EDIL3: variants seen among roughly 807,000 people sequenced by gnomAD.
EDIL3 encodes the protein EGF-like repeat and discoidin I-like domain-containing protein 3.
A neutral mutation model predicts 67.4 loss-of-function variants in EDIL3; 37 were observed. The observed-to-expected ratio is 0.55, with a 90% CI of 0.42 to 0.72. The LOEUF is 0.72. Among genes scored for constraint, EDIL3 ranks in the 30% least tolerant of loss-of-function variants. EDIL3 has a pLI of 0.00. For synonymous variants in EDIL3, 195 were observed against 196.3 expected (o/e 0.99, Z 0.05); for missense variants, 527 against 586.3 (o/e 0.90, Z 1.04).
At chr5:83,965,737 C>T (rs905188206) in intron 9 of EDIL3, among the ~76,000 whole-genome samples, 2 of 151,980 alleles carry the variant, frequency 1.3e-5, no homozygotes, top group African/African-American at 4.8e-5. Context: ...CGTTTTTCTC[C>T]CACTCTAACG....
chr5:84,194,955 C>G (rs962736626), intron 3 of EDIL3, among the ~76,000 whole-genome samples: 2 of 151,918 alleles, frequency 1.3e-5, no homozygotes, highest in Non-Finnish European at 1.5e-5. Flanking sequence ...TCTTTGGACA[C>G]TGACACTGTA....
chr5:83,982,626 A>G (rs982141052), intron 9 of EDIL3, among the ~76,000 whole-genome samples: 1 of 152,096 alleles, frequency 6.6e-6, no homozygotes, highest in African/African-American at 2.4e-5. Flanking sequence ...TTCTTTTTAT[A>G]TCTCTAGAAT....
At chr5:84,146,827 T>G (rs1169085626) in intron 4 of EDIL3, among the ~76,000 whole-genome samples, 1 of 152,140 alleles carries the variant, frequency 6.6e-6, no homozygotes, top group Non-Finnish European at 1.5e-5. Context: ...AGAATTAAAA[T>G]TTTGTCATTT....
chr5:84,356,889 C>CTTTTTTTTTTTTTTTT (rs1189590387), intron 1 of EDIL3, among the ~76,000 whole-genome samples: 1 of 32,088 alleles, frequency 3.1e-5, no homozygotes, highest in African/African-American at 1.1e-4. Flanking sequence ...ATCTTTCTTT[C>CTTTTTTTTTTTTTTTT]TTTTTTTTTT....
At chr5:84,100,698 G>A (rs1747347672) in intron 6 of EDIL3, among the ~76,000 whole-genome samples, 1 of 152,106 alleles carries the variant, frequency 6.6e-6, no homozygotes, top group African/African-American at 2.4e-5. Flanking sequence ...TTTTGCACAT[G>A]TATCCCAGAA....
chr5:84,208,938 C>T (rs567369496), intron 3 of EDIL3, among the ~76,000 whole-genome samples: 6 of 152,110 alleles, frequency 3.9e-5, no homozygotes, highest in South Asian at 4.1e-4. Flanking sequence ...ATGTTTATTG[C>T]GGCATTATTC....
intron 1 of EDIL3, among the ~76,000 whole-genome samples, chr5:84,345,612 G>C (rs886859048): frequency 1.3e-5 from 2 of 152,120 alleles, no homozygotes; most frequent in African/African-American, 4.8e-5. Context: ...CCCTAGTTGG[G>C]CAAGACACAA....
At chr5:84,319,124 A>C (rs1437550404) in intron 1 of EDIL3, among the ~76,000 whole-genome samples, 1 of 151,814 alleles carries the variant, frequency 6.6e-6, no homozygotes, top group Non-Finnish European at 1.5e-5. Context: ...CACCAGCTAG[A>C]ATGGCGATCA....
At chr5:84,231,547 G>T (rs1180627940) in intron 2 of EDIL3, among the ~76,000 whole-genome samples, 1 of 151,862 alleles carries the variant, frequency 6.6e-6, no homozygotes, top group Non-Finnish European at 1.5e-5. Flanking sequence ...CCAGGGAGTG[G>T]TCTCCACTCT....
chr5:84,271,967 A>T (rs1256810442), intron 1 of EDIL3, among the ~76,000 whole-genome samples: 1 of 152,108 alleles, frequency 6.6e-6, no homozygotes, highest in Non-Finnish European at 1.5e-5. Flanking sequence ...TTCTTAGCTT[A>T]ATTTTAAAAA....
At chr5:83,986,975 T>C (rs535421819) in intron 9 of EDIL3, among the ~76,000 whole-genome samples, 1 of 152,120 alleles carries the variant, frequency 6.6e-6, no homozygotes, top group Non-Finnish European at 1.5e-5. Flanking sequence ...CGAGCCATGA[T>C]CAGGAAGCTA....
At chr5:84,208,393 A>G (rs1004751264) in intron 3 of EDIL3, among the ~76,000 whole-genome samples, 2 of 152,022 alleles carry the variant, frequency 1.3e-5, no homozygotes, top group African/African-American at 4.8e-5. Flanking sequence ...AAAAGTCAGG[A>G]AACAGGCCAG....
intron 4 of EDIL3, among the ~76,000 whole-genome samples, chr5:84,154,365 C>T (rs1241881281): frequency 6.6e-6 from 1 of 151,930 alleles, no homozygotes; most frequent in African/African-American, 2.4e-5. Context: ...AAAAGTGGAA[C>T]AATGAGAATA....
chr5:84,178,283 C>T (rs1317254538), intron 4 of EDIL3, among the ~76,000 whole-genome samples: 1 of 152,132 alleles, frequency 6.6e-6, no homozygotes, highest in African/African-American at 2.4e-5. Flanking sequence ...TGTTTATCTG[C>T]ATTTCTAATA....
intron 3 of EDIL3, among the ~76,000 whole-genome samples, chr5:84,192,414 C>T (rs1743610181): frequency 6.6e-6 from 1 of 151,886 alleles, no homozygotes; most frequent in African/African-American, 2.4e-5. Flanking sequence ...ACCATTCTAC[C>T]ACCTAAAGAT....
chr5:84,053,445 A>G (rs1746379479), intron 9 of EDIL3, among the ~76,000 whole-genome samples: 2 of 152,206 alleles, frequency 1.3e-5, no homozygotes, highest in Admixed American at 1.3e-4. Context: ...AGAAGGCAAG[A>G]AATAACTAAG....
intron 5 of EDIL3, among the ~76,000 whole-genome samples, chr5:84,116,889 A>T (rs1747674770): frequency 6.6e-6 from 1 of 152,092 alleles, no homozygotes; most frequent in Admixed American, 6.6e-5. Flanking sequence ...TTCATACTGG[A>T]TGTGTTTTAT....
rs1452568325 is a variant in EDIL3 at position 84,020,216 on chromosome 5, C to T, written c.1137+40084G>A. On this transcript the variant is annotated intron_variant, in intron 9 of 10. Transcript: ENST00000296591. ...TCTTAGATGCTTTAAATAAATTCTCCCTTCATCTGAGTCTTAGAATTCATC... is the reference window on the plus strand; with the variant it reads ...TCTTAGATGCTTTAAATAAATTCTCTCTTCATCTGAGTCTTAGAATTCATC... Among the ~76,000 whole-genome samples, 5 of 151,914 alleles carry T rather than the reference C, an allele frequency of 3.3e-5. No individual in the cohort carries two copies. The South Asian group carries it at 8.3e-4, about 25-fold the overall frequency.
chr5:84,300,035 G>C (rs1457124), intron 1 of EDIL3, among the ~76,000 whole-genome samples: 76 of 152,042 alleles, frequency 5.0e-4, no homozygotes, highest in African/African-American at 1.7e-3. Flanking sequence ...ATCATGAACT[G>C]ACTGGCTAAT....
Sources: allele counts gnomAD v4.1 joint callset (sites outside exome capture counted in the v4.1 genomes callset), GRCh38; gene constraint gnomAD v4.1.1; transcripts MANE v1.5; gene names NCBI Gene and HGNC (gene_info 2026-07-23, HGNC 2026-07-21).